The following GABRA4 variants were observed in gnomAD, a reference collection of about 807,000 sequenced individuals.
GABRA4 encodes gamma-aminobutyric acid receptor subunit alpha-4.
In GABRA4, 12 loss-of-function variants were observed where a neutral mutation model predicts 49.7. The ratio of observed to expected loss-of-function variants is 0.24; its 90% CI spans 0.15 to 0.39. The LOEUF is 0.39. GABRA4 is among the 10% of genes least tolerant of loss of function. GABRA4 has a pLI of 1.00. For synonymous variants in GABRA4, 288 were observed against 240.2 expected (o/e 1.20, Z -1.84); for missense variants, 506 against 686.0 (o/e 0.74, Z 2.93).
chr4:46,959,774 AAAG>A (rs995505820), intron 8 of GABRA4, among the ~76,000 whole-genome samples: 19 of 148,158 alleles, frequency 1.3e-4, no homozygotes, highest in African/African-American at 4.2e-4. Context: ...AAAAAAAAAA[AAAG>A]AAAAGAAAAC....
intron 8 of GABRA4, among the ~76,000 whole-genome samples, chr4:46,937,077 G>T (rs1721625980): frequency 6.6e-6 from 1 of 152,186 alleles, no homozygotes; most frequent in African/African-American, 2.4e-5. Context: ...AGGTGGTTAA[G>T]GTTCAGTGAA....
chr4:46,938,616 CCAATTT>C (rs1416419645), intron 8 of GABRA4, among the ~76,000 whole-genome samples: 10 of 152,168 alleles, frequency 6.6e-5, no homozygotes, highest in African/African-American at 2.4e-4. Flanking sequence ...AATTCCAATT[CCAATTT>C]CAATTTCTTT....
intron 8 of GABRA4, among the ~76,000 whole-genome samples, chr4:46,944,720 G>C (rs547598074): frequency 5.9e-5 from 9 of 151,932 alleles, no homozygotes; most frequent in Non-Finnish European, 1.0e-4. Flanking sequence ...CCTTTGAAAG[G>C]TTTATTCTGA....
At chr4:46,936,909 C>T (rs1160021785) in intron 8 of GABRA4, among the ~76,000 whole-genome samples, 1 of 152,056 alleles carries the variant, frequency 6.6e-6, no homozygotes, top group African/African-American at 2.4e-5. Context: ...GTGTAGCCCA[C>T]CAGACTAGGG....
chr4:46,970,201 A>T (rs1208794296), intron 7 of GABRA4, among the ~76,000 whole-genome samples: 2 of 151,400 alleles, frequency 1.3e-5, no homozygotes. Context: ...GCATCTCTTC[A>T]GCTATTGTGT....
chr4:46,982,991 A>T (rs1339919661), intron 2 of GABRA4, among the ~76,000 whole-genome samples: 1 of 152,068 alleles, frequency 6.6e-6, no homozygotes, highest in East Asian at 1.9e-4. Context: ...AAGATGAATT[A>T]TGTGCCAGGT....
At chr4:46,951,695 A>G (rs1312042521) in intron 8 of GABRA4, among the ~76,000 whole-genome samples, 1 of 151,838 alleles carries the variant, frequency 6.6e-6, no homozygotes, top group Non-Finnish European at 1.5e-5. Context: ...TTTTCCTAAT[A>G]TTAATATGTA....
At chr4:46,977,952 A>T (rs968365141) in intron 3 of GABRA4, among the ~76,000 whole-genome samples, 1 of 152,100 alleles carries the variant, frequency 6.6e-6, no homozygotes, top group Non-Finnish European at 1.5e-5. Flanking sequence ...TTTACTTTAG[A>T]CTAGATAGCA....
intron 8 of GABRA4, among the ~76,000 whole-genome samples, chr4:46,958,885 C>T (rs1036582601): frequency 2.0e-5 from 3 of 151,918 alleles, no homozygotes; most frequent in African/African-American, 7.2e-5. Flanking sequence ...TACCAAATGT[C>T]ATGTAGACTC....
In GABRA4 at chr4:46,928,536, G is replaced by C; in HGVS notation, c.1354C>G (p.Pro452Ala). Residue 452 changes from proline (P) to alanine (A), a missense_variant, in exon 9 of 9, where the codon CCA (proline) becomes GCA (alanine). Pro to Ala is a conservative substitution (Grantham distance 27). Coordinates refer to ENST00000264318, the MANE Select transcript of GABRA4 (RefSeq NM_000809.4). ...AETISAARAL[P>A]SASPTSIRTG... ...CGGATAGAAGTAGGAGAAGCAGATG[G>C]AAGTGCTCTTGCTGCAGATATGGTT... The C allele has an allele frequency of 6.2e-7, 1 of 1,613,678 alleles. No individual in the cohort carries two copies.
Position 46,952,964 on chromosome 4 carries a change from A to T in GABRA4, c.1134+12006T>A, listed in dbSNP as rs1345438527. Among the ~76,000 whole-genome samples, 13 of 152,140 alleles carry T rather than the reference A, an allele frequency of 8.5e-5. No individual in the cohort carries two copies. In the South Asian group the frequency reaches 1.4e-3, roughly 17 times the overall value. ...CAGCAACCATGTCTATATCTCAGTT[A>T]TATGAGGAATGAAATCAATCAGCAG... On this transcript the variant is annotated intron_variant, in intron 8 of 8. Coordinates refer to ENST00000264318, the MANE Select transcript of GABRA4 (RefSeq NM_000809.4).
intron 8 of GABRA4, among the ~76,000 whole-genome samples, chr4:46,947,721 G>A (rs1385305738): frequency 6.6e-6 from 1 of 152,048 alleles, no homozygotes; most frequent in African/African-American, 2.4e-5. Context: ...CCACTAGCAA[G>A]AGGCAGAGTC....
intron 8 of GABRA4, among the ~76,000 whole-genome samples, chr4:46,948,310 A>T (rs1025092972): frequency 5.3e-5 from 8 of 152,102 alleles, no homozygotes; most frequent in Non-Finnish European, 1.2e-4. Flanking sequence ...ATTAAACTTT[A>T]TCATAAATAA....
chr4:46,938,293 T>C (rs1347695199), intron 8 of GABRA4, among the ~76,000 whole-genome samples: 1 of 152,108 alleles, frequency 6.6e-6, no homozygotes, highest in African/African-American at 2.4e-5. Context: ...AGACTTGATA[T>C]GAGTTGATCA....
rs1382560939 is a variant in GABRA4 at position 46,923,651 on chromosome 4, A to C, written c.*4574T>G. On this transcript the variant is annotated 3_prime_UTR_variant, in exon 9 of 9. Transcript: ENST00000264318. ...AAAAATAAGAGATCTCAACTGTTCCACTACCTCTAGATTTGTGGCCCTCCA... is the reference window on the plus strand; with the variant it reads ...AAAAATAAGAGATCTCAACTGTTCCCCTACCTCTAGATTTGTGGCCCTCCA... The C allele has an allele frequency of 6.6e-6, 1 of 152,150 alleles. No homozygotes were observed. Among genetic ancestry groups the C allele is most frequent in the Non-Finnish European group, 1.5e-5 (1 of 68,006 alleles). 9.4% of individuals were successfully genotyped at this position (152,150 alleles called of 1,614,324 possible).
At position 46,952,387 on chromosome 4, in the gene GABRA4, G is replaced by A. The variant is rs529414915; in HGVS notation, c.1134+12583C>T. Among the ~76,000 whole-genome samples, 4 of 152,174 alleles carry A rather than the reference G, an allele frequency of 2.6e-5. No individual in the cohort carries two copies. In the East Asian group the frequency reaches 7.8e-4, roughly 30 times the overall value. On this transcript the variant is annotated intron_variant, in intron 8 of 8. Coordinates refer to ENST00000264318, the MANE Select transcript of GABRA4 (RefSeq NM_000809.4). ...GAAAATATTAAGAAAAGCATGCCATGCCATACAATCTGAGTGAAAAGTGTC... is the reference window on the plus strand; with the variant it reads ...GAAAATATTAAGAAAAGCATGCCATACCATACAATCTGAGTGAAAAGTGTC...
intron 8 of GABRA4, among the ~76,000 whole-genome samples, chr4:46,946,413 C>A (rs904653337): frequency 2.0e-5 from 3 of 152,032 alleles, no homozygotes; most frequent in African/African-American, 7.2e-5. Context: ...AAAAACAGCA[C>A]TTTTCTACAC....
At chr4:46,939,309 C>A in intron 8 of GABRA4, among the ~76,000 whole-genome samples, 1 of 151,932 alleles carries the variant, frequency 6.6e-6, no homozygotes, top group East Asian at 1.9e-4. Context: ...CTGATAATAT[C>A]AATTTCCAGG....
chr4:46,930,744 G>A (rs949076326), intron 8 of GABRA4, among the ~76,000 whole-genome samples: 1 of 151,474 alleles, frequency 6.6e-6, no homozygotes, highest in African/African-American at 2.4e-5. Context: ...CAAATTCTAA[G>A]GACTGGAGAC....
Sources: allele counts gnomAD v4.1 joint callset (sites outside exome capture counted in the v4.1 genomes callset), GRCh38; gene constraint gnomAD v4.1.1; transcripts MANE v1.5; gene names NCBI Gene and HGNC (gene_info 2026-07-23, HGNC 2026-07-21).